Variants in CDH18 observed in about 807,000 individuals in gnomAD.
CDH18 encodes cadherin-18.
Under a neutral mutation model 67.9 loss-of-function variants are expected in CDH18, and 31 were observed. The ratio of observed to expected loss-of-function variants is 0.46; its 90% CI spans 0.34 to 0.62. The LOEUF (loss-of-function observed/expected upper bound fraction) is 0.62, where lower values mean the gene tolerates loss of function less well. Among genes scored for constraint, CDH18 ranks in the 20% least tolerant of loss-of-function variants. The probability of loss-of-function intolerance (pLI) is 0.01; values close to 1 mark genes in which losing one functional copy is unlikely to be tolerated. For synonymous variants in CDH18, 362 were observed against 347.2 expected, an observed-to-expected ratio of 1.04 and a Z score of -0.48; for missense variants, 890 against 975.5, an observed-to-expected ratio of 0.91 and a Z score of 1.17.
At position 19,721,385 on chromosome 5, in the gene CDH18, A is replaced by G. The variant is rs1346478328; in HGVS notation, c.605T>C (p.Leu202Pro). 1 of 1,608,642 alleles carries G rather than the reference A, an allele frequency of 6.2e-7. No individual in the cohort carries two copies. Among genetic ancestry groups the G allele is most frequent in the Non-Finnish European group, 8.5e-7 (1 of 1,175,958 alleles). ...GNSARVVYSI[L>P]QGQPYFSVDP... The stretch of plus-strand genomic sequence containing the variant: ...GACGGAGAAGTAGGGTTGTCCTTGG[A>G]GAATGCTGTAAACCACCCGAGCGCT... Residue 202 changes from leucine (L) to proline (P), a missense_variant, in exon 5 of 13, where the codon CTC (leucine) becomes CCC (proline). Physicochemically the swap from Leu to Pro is moderately conservative, Grantham distance 98. Around this residue, in one of 2 missense-constraint regions of CDH18, gnomAD observed 234 missense variants for 307.4 expected, o/e 0.76. Transcript: ENST00000382275.
intron 2 of CDH18, among the ~76,000 whole-genome samples, chr5:20,016,383 G>C (rs1255141180): frequency 6.6e-6 from 1 of 152,062 alleles, no homozygotes; most frequent in Non-Finnish European, 1.5e-5. Flanking sequence ...GTACCTGAAT[G>C]ACAAAATAAT....
At chr5:20,181,996 G>C (rs1287508651) in intron 2 of CDH18, among the ~76,000 whole-genome samples, 1 of 152,066 alleles carries the variant, frequency 6.6e-6, no homozygotes, top group African/African-American at 2.4e-5. Context: ...ATAAATTGCT[G>C]TTAGGCCTGT....
intron 1 of CDH18, among the ~76,000 whole-genome samples, chr5:20,452,694 A>T (rs2150209304): frequency 6.6e-6 from 1 of 152,168 alleles, no homozygotes; most frequent in South Asian, 2.1e-4. Context: ...ATAATCTGCA[A>T]AACAAACCCC....
intron 2 of CDH18, among the ~76,000 whole-genome samples, chr5:19,940,343 T>C (rs531567802): frequency 1.3e-5 from 2 of 152,042 alleles, no homozygotes; most frequent in African/African-American, 4.8e-5. Flanking sequence ...ATCTTCCTAA[T>C]TTAAAGCAGA....
At position 19,554,030 on chromosome 5, in the gene CDH18, C is replaced by T. The variant is rs115197493; in HGVS notation, c.1254-10025G>A. On this transcript the variant is annotated intron_variant, in intron 8 of 12. Coordinates refer to ENST00000382275, the MANE Select transcript of CDH18 (RefSeq NM_004934.5). ...ATTCCCTTTGTTAACATTGGGAATGCAATTTAATACACAAGCCATGCATTG... is the reference window on the plus strand; with the variant it reads ...ATTCCCTTTGTTAACATTGGGAATGTAATTTAATACACAAGCCATGCATTG... 6.8e-3 allele frequency among the ~76,000 whole-genome samples: 1,029 copies of T among 151,884 alleles called. 14 individuals are homozygous for T. The highest frequency in any genetic ancestry group is 0.023 in the African/African-American group (968 of 41,392).
chr5:19,485,356 T>C (rs900013754), intron 11 of CDH18, among the ~76,000 whole-genome samples: 3 of 151,762 alleles, frequency 2.0e-5, no homozygotes, highest in African/African-American at 4.8e-5. Context: ...CCCGAGTTCA[T>C]GCCATTCTCC....
At chr5:20,037,057 A>T (rs1239574994) in intron 2 of CDH18, among the ~76,000 whole-genome samples, 1 of 151,588 alleles carries the variant, frequency 6.6e-6, no homozygotes, top group African/African-American at 2.4e-5. Flanking sequence ...ATGGGTCTTG[A>T]CTCTTTATCC....
At chr5:20,094,394 T>G (rs1002915199) in intron 2 of CDH18, among the ~76,000 whole-genome samples, 1 of 152,298 alleles carries the variant, frequency 6.6e-6, no homozygotes, top group African/African-American at 2.4e-5. Flanking sequence ...AGTCAGGTAC[T>G]GTGATGCCTC....
chr5:20,462,449 T>C (rs1751333761), intron 1 of CDH18, among the ~76,000 whole-genome samples: 1 of 152,140 alleles, frequency 6.6e-6, no homozygotes, highest in Admixed American at 6.6e-5. Context: ...GTGAATATAG[T>C]TAACAACAAT....
In CDH18 at chr5:20,555,746, C is replaced by T. The variant is rs538578403; in HGVS notation, c.-580+19716G>A. The stretch of plus-strand genomic sequence containing the variant: ...GAGACAGAGTTTCAAATCACCCCTG[C>T]TTTTTTTTTTTTCCTTCAGGCCCTG... On this transcript the variant is annotated intron_variant, in intron 1 of 14. Transcript: ENST00000507958. Among the ~76,000 whole-genome samples, 33 of 144,740 alleles carry T rather than the reference C, an allele frequency of 2.3e-4. 1 individual carries two copies. In the South Asian group the frequency reaches 7.0e-3, roughly 31 times the overall value. The allele number at this position is 144,740 out of a possible 152,430, so 95.0% of individuals were successfully genotyped here.
intron 5 of CDH18, among the ~76,000 whole-genome samples, chr5:19,709,753 A>G (rs1211657216): frequency 2.0e-5 from 3 of 152,128 alleles, no homozygotes; most frequent in African/African-American, 7.2e-5. Context: ...CATATCCCAA[A>G]ATGTTGGGAG....
intron 2 of CDH18, among the ~76,000 whole-genome samples, chr5:20,125,790 A>G (rs1748770760): frequency 6.6e-6 from 1 of 152,106 alleles, no homozygotes; most frequent in African/African-American, 2.4e-5. Flanking sequence ...CCACTGAGAC[A>G]ATCATAGTTG....
intron 1 of CDH18, among the ~76,000 whole-genome samples, chr5:19,981,906 TCC>T: frequency 6.6e-6 from 1 of 152,264 alleles, no homozygotes; most frequent in East Asian, 1.9e-4. Context: ...TTTTTCTGCA[TCC>T]CTTTTTCATT....
intron 2 of CDH18, among the ~76,000 whole-genome samples, chr5:19,907,246 C>T (rs1489514835): frequency 6.6e-6 from 1 of 151,732 alleles, no homozygotes; most frequent in Non-Finnish European, 1.5e-5. Context: ...ACAAACAATA[C>T]ACTTTGCACT....
chr5:20,447,756 G>T (rs1446090935), intron 1 of CDH18, among the ~76,000 whole-genome samples: 2 of 152,206 alleles, frequency 1.3e-5, no homozygotes, highest in Non-Finnish European at 2.9e-5. Flanking sequence ...TACAGGAACA[G>T]CAAAATTTTA....
At chr5:19,925,933 G>C (rs997309547) in intron 2 of CDH18, among the ~76,000 whole-genome samples, 2 of 152,104 alleles carry the variant, frequency 1.3e-5, no homozygotes, top group African/African-American at 2.4e-5. Context: ...GTCTATGTGT[G>C]CATAAGTTTT....
At chr5:20,095,423 G>GAAAGAAAGAA (rs1197627985) in intron 2 of CDH18, among the ~76,000 whole-genome samples, 2 of 122,862 alleles carry the variant, frequency 1.6e-5, no homozygotes, top group Admixed American at 9.4e-5. Flanking sequence ...AAGAAAGAAA[G>GAAAGAAAGAA]AAAGAAAGAA....
chr5:19,823,424 C>T (rs1780083527), intron 3 of CDH18, among the ~76,000 whole-genome samples: 1 of 152,170 alleles, frequency 6.6e-6, no homozygotes, highest in African/African-American at 2.4e-5. Flanking sequence ...GGGAAACTAA[C>T]AAATGTCCAT....
intron 2 of CDH18, among the ~76,000 whole-genome samples, chr5:19,843,033 G>C (rs952831532): frequency 2.6e-5 from 4 of 152,206 alleles, no homozygotes; most frequent in African/African-American, 9.6e-5. Context: ...AAAATTTTCA[G>C]CCTGATCGTG....
Sources: allele counts gnomAD v4.1 joint callset (sites outside exome capture counted in the v4.1 genomes callset), GRCh38; gene constraint gnomAD v4.1.1; regional missense constraint gnomAD v4.1.1; transcripts MANE v1.5; gene names NCBI Gene and HGNC (gene_info 2026-07-23, HGNC 2026-07-21).